The following GRIA1 variants were observed in gnomAD, a reference collection of about 807,000 sequenced individuals.
GRIA1 encodes glutamate receptor 1.
In GRIA1, 31 loss-of-function variants were observed where a neutral mutation model predicts 99.2. The observed-to-expected ratio is 0.31, with a 90% CI of 0.23 to 0.42. The LOEUF (loss-of-function observed/expected upper bound fraction) is 0.42, where lower values mean the gene tolerates loss of function less well. Among genes scored for constraint, GRIA1 ranks in the 10% least tolerant of loss-of-function variants. GRIA1 has a pLI of 1.00. For synonymous variants in GRIA1, 438 were observed against 432.4 expected (o/e 1.01, Z -0.16); for missense variants, 782 against 1,157.5 (o/e 0.68, Z 4.71).
chr5:153,792,537 C>G (rs1420555065), intron 13 of GRIA1, among the ~76,000 whole-genome samples: 2 of 152,146 alleles, frequency 1.3e-5, no homozygotes, highest in African/African-American at 4.8e-5. Context: ...TACATACATT[C>G]CCTTAAAACA....
intron 2 of GRIA1, among the ~76,000 whole-genome samples, chr5:153,614,453 C>T (rs1319986566): frequency 6.6e-6 from 1 of 152,166 alleles, no homozygotes; most frequent in Non-Finnish European, 1.5e-5. Flanking sequence ...TTAATACTTA[C>T]AACAATTATC....
chr5:153,523,541 A>C (rs1757342204), intron 2 of GRIA1, among the ~76,000 whole-genome samples: 1 of 150,818 alleles, frequency 6.6e-6, no homozygotes, highest in Non-Finnish European at 1.5e-5. Flanking sequence ...TTATGTTGTT[A>C]CTGTTGTGGA....
At chr5:153,741,879 TA>T (rs993211684) in intron 11 of GRIA1, among the ~76,000 whole-genome samples, 29 of 150,450 alleles carry the variant, frequency 1.9e-4, no homozygotes, top group Non-Finnish European at 1.5e-5. Flanking sequence ...AAACATTTTG[TA>T]AGAGGATAAA....
intron 2 of GRIA1, among the ~76,000 whole-genome samples, chr5:153,621,382 G>T (rs938951568): frequency 1.3e-5 from 2 of 152,134 alleles, no homozygotes; most frequent in Admixed American, 6.6e-5. Context: ...TGGCAGTATC[G>T]CTTGAGGCCA....
chr5:153,714,261 T>A (rs1347774071), intron 11 of GRIA1, among the ~76,000 whole-genome samples: 1 of 152,132 alleles, frequency 6.6e-6, no homozygotes, highest in Non-Finnish European at 1.5e-5. Context: ...GCCACCAGTT[T>A]GAGAGCCCTA....
chr5:153,608,466 T>C (rs1765649275), intron 2 of GRIA1, among the ~76,000 whole-genome samples: 1 of 152,254 alleles, frequency 6.6e-6, no homozygotes, highest in Admixed American at 6.5e-5. Context: ...AATCCTGTTA[T>C]ATTCTTCTGA....
chr5:153,558,852 C>T (rs765834998), intron 2 of GRIA1, among the ~76,000 whole-genome samples: 7 of 152,024 alleles, frequency 4.6e-5, no homozygotes, highest in Non-Finnish European at 8.8e-5. Context: ...ATTCCCAAAA[C>T]GGTCCAGGGC....
chr5:153,810,977 C>A, intron 15 of GRIA1, 48 bp from the exon 16 acceptor site: 1 of 1,365,386 alleles, frequency 7.3e-7, no homozygotes, highest in Non-Finnish European at 1.0e-6. Context: ...TTCCCATTGC[C>A]TGTCATTGCC....
At chr5:153,702,916 G>C (rs747019134) in intron 10 of GRIA1, among the ~76,000 whole-genome samples, 8 of 152,194 alleles carry the variant, frequency 5.3e-5, no homozygotes, top group Non-Finnish European at 1.0e-4. Context: ...CTTTTAAAAT[G>C]AGGAAATTGA....
intron 11 of GRIA1, among the ~76,000 whole-genome samples, chr5:153,751,913 C>T (rs1256182015): frequency 2.0e-5 from 3 of 152,178 alleles, no homozygotes; most frequent in Admixed American, 6.5e-5. Context: ...ACCCAGAAGG[C>T]GTGAACTGTC....
chr5:153,497,593 G>A (rs1437389694), intron 2 of GRIA1, among the ~76,000 whole-genome samples: 1 of 151,982 alleles, frequency 6.6e-6, no homozygotes, highest in Non-Finnish European at 1.5e-5. Flanking sequence ...ATTCACTCAG[G>A]GAGCTTGTTT....
At chr5:153,498,157 C>T (rs1754624620) in intron 2 of GRIA1, among the ~76,000 whole-genome samples, 1 of 152,136 alleles carries the variant, frequency 6.6e-6, no homozygotes, top group South Asian at 2.1e-4. Flanking sequence ...AAATATCTGG[C>T]AACACTAGGG....
At chr5:153,747,774 C>T (rs186859446) in intron 11 of GRIA1, among the ~76,000 whole-genome samples, 74 of 152,316 alleles carry the variant, frequency 4.9e-4, no homozygotes, top group Non-Finnish European at 7.8e-4. Flanking sequence ...AAAGTTTTCC[C>T]AGTGGGGTGT....
rs1561880451 is a variant in GRIA1, at chr5:153,811,143, GC to G, written c.2641del (p.His881MetfsTer13). The G allele has an allele frequency of 1.2e-6, 2 of 1,614,022 alleles. No individual in the cohort carries two copies. Among genetic ancestry groups the G allele is most frequent in the South Asian group, 2.2e-5 (2 of 91,088 alleles). ...GGSGENGRVVSHDFPKSMQSI... is the reference protein window; with the variant it reads ...GGSGENGRVVXHDFPKSMQSI... The stretch of plus-strand genomic sequence containing the variant: ...AGTGGAGAGAATGGTCGGGTGGTCA[GC>G]CATGACTTCCCCAAGTCCATGCAAT... On this transcript the variant is annotated frameshift_variant, in exon 16 of 16. Transcript: ENST00000285900. LOFTEE classifies it high-confidence loss of function.
At chr5:153,717,210 G>A (rs1000999600) in intron 11 of GRIA1, among the ~76,000 whole-genome samples, 3 of 152,102 alleles carry the variant, frequency 2.0e-5, no homozygotes, top group Non-Finnish European at 4.4e-5. Flanking sequence ...TTTGTTACAC[G>A]TACTTCATAG....
chr5:153,515,295 T>A (rs1362548689), intron 2 of GRIA1, among the ~76,000 whole-genome samples: 2 of 152,086 alleles, frequency 1.3e-5, no homozygotes, highest in Non-Finnish European at 2.9e-5. Context: ...ACTGAGACTT[T>A]AAAAAAAGAA....
Position 153,743,243 on chromosome 5 carries a change from A to T in GRIA1, c.1824-21191A>T, listed in dbSNP as rs548434795. Among the ~76,000 whole-genome samples the T allele has an allele frequency of 2.0e-4, 30 of 152,328 alleles. No homozygotes were observed. In the South Asian group the frequency reaches 6.0e-3, roughly 31 times the overall value. Reference sequence around the variant, plus strand: ...AAGGGAGTATTGTATAATGATTGTCAGTCACCATACATTAGTTTTCCATTG... The same window carrying T: ...AAGGGAGTATTGTATAATGATTGTCTGTCACCATACATTAGTTTTCCATTG... On this transcript the variant is annotated intron_variant, in intron 11 of 15. Transcript: ENST00000285900.
At chr5:153,703,003 C>T (rs7736995) in intron 10 of GRIA1, among the ~76,000 whole-genome samples, 1,814 of 152,284 alleles carry the variant, frequency 0.012, 34 homozygotes, top group African/African-American at 0.041. Flanking sequence ...GTCTGAGATC[C>T]GCTGTGCCCT....
intron 2 of GRIA1, among the ~76,000 whole-genome samples, chr5:153,508,163 G>A (rs1043602034): frequency 6.6e-6 from 1 of 152,170 alleles, no homozygotes; most frequent in African/African-American, 2.4e-5. Flanking sequence ...TTAGATGGGT[G>A]GTCAGGGAGG....
Sources: allele counts gnomAD v4.1 joint callset (sites outside exome capture counted in the v4.1 genomes callset), GRCh38; gene constraint gnomAD v4.1.1; transcripts MANE v1.5; gene names NCBI Gene and HGNC (gene_info 2026-07-23, HGNC 2026-07-21).